Variants in USP49 observed in about 807,000 individuals in gnomAD.
USP49 encodes ubiquitin specific peptidase 49, also known as ubiquitin carboxyl-terminal hydrolase 49.
In USP49, 24 loss-of-function variants were observed where a neutral mutation model predicts 58.6. The observed-to-expected ratio is 0.41, with a 90% CI of 0.30 to 0.58. The LOEUF is 0.58. Ranked by LOEUF, USP49 falls within the 20% of genes least tolerant of loss-of-function variation. The probability of loss-of-function intolerance (pLI) is 0.30; values close to 1 mark genes in which losing one functional copy is unlikely to be tolerated. For missense variants in USP49, 703 were observed against 866.1 expected (o/e 0.81, Z 2.36); for synonymous variants, 408 against 365.1 (o/e 1.12, Z -1.34).
At chr6:41,826,926 C>T (rs1773548452) in intron 3 of USP49, among the ~76,000 whole-genome samples, 1 of 152,120 alleles carries the variant, frequency 6.6e-6, no homozygotes, top group African/African-American at 2.4e-5. Context: ...CAGCAAGTCC[C>T]CCAACTAAAA....
At chr6:41,863,812 A>G (rs1774264060) in intron 3 of USP49, among the ~76,000 whole-genome samples, 1 of 152,188 alleles carries the variant, frequency 6.6e-6, no homozygotes, top group Non-Finnish European at 1.5e-5. Flanking sequence ...TTTGAAGTGC[A>G]GTGGCATGAT....
intron 2 of USP49, among the ~76,000 whole-genome samples, chr6:41,880,222 AC>A (rs557026973): frequency 1.3e-5 from 2 of 152,060 alleles, no homozygotes; most frequent in Admixed American, 1.3e-4. Context: ...AGTTCAAGAC[AC>A]CCCCCAGAAA....
chr6:41,851,282 T>C (rs541459228), intron 3 of USP49, among the ~76,000 whole-genome samples: 4 of 152,334 alleles, frequency 2.6e-5, no homozygotes, highest in Admixed American at 6.5e-5. Flanking sequence ...AAGAATTACA[T>C]ATTATCAATA....
intron 2 of USP49, among the ~76,000 whole-genome samples, chr6:41,882,447 C>T (rs146547431): frequency 8.9e-4 from 135 of 152,264 alleles, no homozygotes; most frequent in African/African-American, 3.2e-3. Flanking sequence ...TATACCACAT[C>T]CAAAGATTGC....
chr6:41,836,409 A>G (rs1204595827), intron 3 of USP49, among the ~76,000 whole-genome samples: 1 of 152,182 alleles, frequency 6.6e-6, no homozygotes, highest in Admixed American at 6.5e-5. Context: ...ACCCACAGCC[A>G]ACATCATACG....
intron 3 of USP49, among the ~76,000 whole-genome samples, chr6:41,859,993 G>A (rs1018208206): frequency 4.6e-5 from 7 of 152,134 alleles, no homozygotes; most frequent in East Asian, 3.9e-4. Context: ...CCCATTTACC[G>A]AAGACTGTCA....
chr6:41,793,243 CT>C lies in USP49; in HGVS notation c.*3289del, dbSNP rs945007745. 143 of 151,632 alleles carry C rather than the reference CT, an allele frequency of 9.4e-4. No individual in the cohort carries two copies. The highest frequency in any genetic ancestry group is 1.2e-3 in the Non-Finnish European group (81 of 69,222). 9.4% of individuals were successfully genotyped at this position (151,632 alleles called of 1,614,324 possible). A position where few individuals can be genotyped will look rare whatever the true frequency, so the allele number is the denominator to read the frequency against. On this transcript the variant is annotated 3_prime_UTR_variant, in exon 8 of 8. Coordinates refer to ENST00000682992, the MANE Select transcript of USP49 (RefSeq NM_001286554.2). ...ACATTTTAAGAGACATCTGGAAATT[CT>C]TTTTTTTTTTTTGTTTTTGTTTTTG... is the stretch of plus-strand genomic sequence containing the variant.
At chr6:41,847,859 C>T (rs1385759506) in intron 3 of USP49, among the ~76,000 whole-genome samples, 2 of 152,158 alleles carry the variant, frequency 1.3e-5, no homozygotes, top group African/African-American at 4.8e-5. Context: ...TGGCAGAGAG[C>T]TTCTTTGAAG....
intron 3 of USP49, among the ~76,000 whole-genome samples, chr6:41,841,717 G>T (rs1037909793): frequency 6.6e-6 from 1 of 152,126 alleles, no homozygotes; most frequent in Admixed American, 6.5e-5. Context: ...ATTCAGATGA[G>T]TAGATTAGTC....
intron 2 of USP49, among the ~76,000 whole-genome samples, chr6:41,879,231 T>C (rs950698566): frequency 6.6e-6 from 1 of 152,122 alleles, no homozygotes; most frequent in Non-Finnish European, 1.5e-5. Flanking sequence ...TCTGCCTCTA[T>C]GTTTTGTTTG....
intron 2 of USP49, among the ~76,000 whole-genome samples, chr6:41,886,196 G>A (rs1342135798): frequency 2.0e-5 from 3 of 152,172 alleles, no homozygotes; most frequent in Non-Finnish European, 4.4e-5. Context: ...ATTGATATAG[G>A]TGGTTGTATT....
Position 41,791,389 on chromosome 6 carries a change from G to T in USP49, c.*5144C>A, listed in dbSNP as rs1367909357. On this transcript the variant is annotated 3_prime_UTR_variant, in exon 8 of 8. Transcript: ENST00000682992. ...GCCTCCCAAAGTGTTGGGATTACAG[G>T]TGCTAGCCAACTGCATCCAGCCAAT... The T allele has an allele frequency of 6.6e-6, 1 of 152,192 alleles. No individual in the cohort carries two copies. The highest frequency in any genetic ancestry group is 6.5e-5 in the Admixed American group (1 of 15,276). The allele number at this position is 152,192 out of a possible 1,614,324, so 9.4% of individuals were successfully genotyped here. A position where few individuals can be genotyped will look rare whatever the true frequency, so the allele number is the denominator to read the frequency against.
intron 5 of USP49, among the ~76,000 whole-genome samples, chr6:41,801,526 G>A (rs1473380829): frequency 6.6e-6 from 1 of 152,182 alleles, no homozygotes; most frequent in East Asian, 1.9e-4. Flanking sequence ...TCACAGAGGG[G>A]CTTGGCCTTA....
At chr6:41,866,826 AT>A (rs1217829862) in intron 3 of USP49, among the ~76,000 whole-genome samples, 3 of 152,144 alleles carry the variant, frequency 2.0e-5, no homozygotes, top group African/African-American at 7.2e-5. Context: ...TGTTATGAAA[AT>A]TGTTTTAACT....
At chr6:41,849,975 C>T (rs190749936) in intron 3 of USP49, among the ~76,000 whole-genome samples, 135 of 152,096 alleles carry the variant, frequency 8.9e-4, no homozygotes, top group African/African-American at 3.2e-3. Context: ...GGAAAATCCA[C>T]AAATATGTGG....
chr6:41,827,364 G>A (rs771661936), intron 3 of USP49, among the ~76,000 whole-genome samples: 20 of 152,020 alleles, frequency 1.3e-4, no homozygotes, highest in Non-Finnish European at 2.5e-4. Flanking sequence ...ATTTCTCCAA[G>A]TAGAATATAG....
Position 41,853,999 on chromosome 6 carries a change from C to CAAAA in USP49, c.-29+17564_-29+17565insTTTT, listed in dbSNP as rs752353657. On this transcript the variant is annotated intron_variant, in intron 3 of 7. Coordinates refer to ENST00000682992, the MANE Select transcript of USP49 (RefSeq NM_001286554.2). The stretch of plus-strand genomic sequence containing the variant: ...GGGCAACAACAGCGAGACTCTGTCT[C>CAAAA]GAAAAAAAAAAAAAAAAAAAAAAAG... 1.7e-3 allele frequency among the ~76,000 whole-genome samples: 98 copies of CAAAA among 58,748 alleles called. 17 individuals are homozygous for CAAAA. The highest frequency in any genetic ancestry group is 2.3e-3 in the Admixed American group (10 of 4,428). The allele number at this position is 58,748 out of a possible 152,430, so 38.5% of individuals were successfully genotyped here.
At position 41,790,363 on chromosome 6, in the gene USP49, A is replaced by C. The variant is rs1448538889; in HGVS notation, c.*6170T>G. The C allele has an allele frequency of 3.9e-5, 6 of 152,212 alleles. No homozygotes were observed. The highest frequency in any genetic ancestry group is 8.8e-5 in the Non-Finnish European group (6 of 68,044). The allele number at this position is 152,212 out of a possible 1,614,324, so 9.4% of individuals were successfully genotyped here. ...CAGAAGGAAATGTTTTGTGACCCTA[A>C]AATTCATGGTAGTGCTACTGTCCAG... On this transcript the variant is annotated 3_prime_UTR_variant, in exon 8 of 8. Coordinates refer to ENST00000682992, the MANE Select transcript of USP49 (RefSeq NM_001286554.2).
At chr6:41,853,501 C>A (rs1774066866) in intron 3 of USP49, among the ~76,000 whole-genome samples, 1 of 152,160 alleles carries the variant, frequency 6.6e-6, no homozygotes, top group Non-Finnish European at 1.5e-5. Context: ...GAACTGTACT[C>A]TTGAAAATGA....
Sources: allele counts gnomAD v4.1 joint callset (sites outside exome capture counted in the v4.1 genomes callset), GRCh38; gene constraint gnomAD v4.1.1; transcripts MANE v1.5; gene names NCBI Gene and HGNC (gene_info 2026-07-23, HGNC 2026-07-21).